The following PDE10A variants were observed in gnomAD, a reference collection of about 807,000 sequenced individuals.
PDE10A encodes cAMP and cAMP-inhibited cGMP 3',5'-cyclic phosphodiesterase 10A.
PDE10A carries 39 observed loss-of-function variants against 97.7 expected under a neutral mutation model. The observed-to-expected ratio is 0.40, with a 90% confidence interval of 0.31 to 0.52. The LOEUF (loss-of-function observed/expected upper bound fraction) is 0.52, where lower values mean the gene tolerates loss of function less well. PDE10A is among the 20% of genes least tolerant of loss of function. PDE10A has a pLI of 0.56. For missense variants in PDE10A, 731 were observed against 1,047.8 expected (o/e 0.70, Z 4.17); for synonymous variants, 371 against 376.8 (o/e 0.98, Z 0.18).
At chr6:165,763,104 C>T (rs137863175) in intron 1 of PDE10A, among the ~76,000 whole-genome samples, 52 of 152,306 alleles carry the variant, frequency 3.4e-4, no homozygotes, top group East Asian at 1.7e-3. Context: ...GCAGCTGGAG[C>T]GTTTCCACCA....
chr6:165,543,513 A>G lies in PDE10A; in HGVS notation c.921T>C (p.Asp307=), dbSNP rs1394203862. 1 of 1,611,652 alleles carries G rather than the reference A, an allele frequency of 6.2e-7. No individual in the cohort carries two copies. The highest frequency in any genetic ancestry group is 8.5e-7 in the Non-Finnish European group (1 of 1,178,208). Residue 307 remains aspartate, a synonymous_variant, in exon 2 of 22, where the codon GAT becomes GAC. Transcript: ENST00000539869. ...CACTAACACTTTCAGATACAAATTC[A>G]TCTAATACCTGGGGGTGAAGAGAAA... The part of the protein sequence containing the change: ...AYLSLHPQVL[D]EFVSESVSAE...
intron 1 of PDE10A, among the ~76,000 whole-genome samples, chr6:165,906,266 G>A (rs1782284023): frequency 6.6e-6 from 1 of 151,170 alleles, no homozygotes; most frequent in Non-Finnish European, 1.5e-5. Flanking sequence ...CAGTGGAAAG[G>A]AGGAAGCTCT....
intron 1 of PDE10A, among the ~76,000 whole-genome samples, chr6:165,613,616 G>A (rs1355797725): frequency 6.6e-6 from 1 of 152,092 alleles, no homozygotes; most frequent in African/African-American, 2.4e-5. Context: ...ACTCCACCCC[G>A]GGTGACAGAG....
intron 1 of PDE10A, among the ~76,000 whole-genome samples, chr6:165,767,700 G>T (rs956751177): frequency 2.6e-5 from 4 of 152,148 alleles, no homozygotes; most frequent in African/African-American, 9.7e-5. Context: ...TAGACATTTG[G>T]ATTTTTTTCC....
intron 2 of PDE10A, among the ~76,000 whole-genome samples, chr6:165,525,167 A>C (rs1782358616): frequency 6.6e-6 from 1 of 152,132 alleles, no homozygotes; most frequent in African/African-American, 2.4e-5. Flanking sequence ...GTGACCCATG[A>C]GGAGGTGCAC....
At chr6:165,517,444 C>A (rs1207418566) in intron 2 of PDE10A, among the ~76,000 whole-genome samples, 1 of 152,096 alleles carries the variant, frequency 6.6e-6, no homozygotes, top group East Asian at 1.9e-4. Context: ...AGAAATCTCT[C>A]ATTCTAAAGT....
chr6:165,828,957 G>A (rs1479513850), intron 1 of PDE10A, among the ~76,000 whole-genome samples: 1 of 152,238 alleles, frequency 6.6e-6, no homozygotes, highest in Non-Finnish European at 1.5e-5. Flanking sequence ...AATCAGTAAA[G>A]TATTGTAAAA....
chr6:165,482,609 C>A (rs980744469), intron 2 of PDE10A, among the ~76,000 whole-genome samples: 3 of 152,136 alleles, frequency 2.0e-5, no homozygotes, highest in African/African-American at 7.2e-5. Flanking sequence ...GATATGCCTG[C>A]AAGAATAGCT....
At chr6:165,699,482 G>A (rs146157614) in intron 1 of PDE10A, among the ~76,000 whole-genome samples, 14 of 152,226 alleles carry the variant, frequency 9.2e-5, no homozygotes, top group East Asian at 7.7e-4. Flanking sequence ...GGATAACACC[G>A]TAAACAAACT....
intron 1 of PDE10A, among the ~76,000 whole-genome samples, chr6:165,615,220 A>AAAAAAAAAG (rs547731839): frequency 3.4e-5 from 5 of 148,436 alleles, no homozygotes; most frequent in Non-Finnish European, 7.4e-5. Flanking sequence ...AGAAAAAAAA[A>AAAAAAAAAG]AAAGAAAGAA....
At chr6:165,914,775 G>T (rs1039585755) in intron 1 of PDE10A, among the ~76,000 whole-genome samples, 1 of 152,140 alleles carries the variant, frequency 6.6e-6, no homozygotes, top group African/African-American at 2.4e-5. Context: ...TGTCACACAC[G>T]GGCAAAGATG....
chr6:165,655,372 C>T lies in PDE10A; in HGVS notation c.865+6575G>A, dbSNP rs1231539175. 6.6e-6 allele frequency among the ~76,000 whole-genome samples: 1 copy of T among 152,148 alleles called. No homozygotes were observed. The highest frequency in any genetic ancestry group is 1.5e-5 in the Non-Finnish European group (1 of 68,030). On this transcript the variant is annotated intron_variant, in intron 1 of 21. Coordinates refer to ENST00000539869, the MANE Select transcript of PDE10A (RefSeq NM_001385079.1). The surrounding 1 kb of genome is among the most constrained non-coding windows in gnomAD (Gnocchi z 4.5). ...CAAACGCCACGCCTGATTCCTTGCGCACCCCACGTGCTCCTCCTCCAGGCT... is the reference window on the plus strand; with the variant it reads ...CAAACGCCACGCCTGATTCCTTGCGTACCCCACGTGCTCCTCCTCCAGGCT...
At chr6:165,556,261 G>A (rs1306950247) in intron 1 of PDE10A, among the ~76,000 whole-genome samples, 7 of 152,114 alleles carry the variant, frequency 4.6e-5, no homozygotes, top group Admixed American at 2.0e-4. Context: ...GAGTGCTGGC[G>A]GTTAAGACCA....
chr6:165,962,969 T>C (rs1784402965), intron 1 of PDE10A, among the ~76,000 whole-genome samples: 1 of 152,206 alleles, frequency 6.6e-6, no homozygotes, highest in Non-Finnish European at 1.5e-5. Flanking sequence ...CATACGTGAG[T>C]GCACACACCC....
intron 1 of PDE10A, among the ~76,000 whole-genome samples, chr6:165,875,744 T>G (rs1360344402): frequency 1.6e-4 from 23 of 145,116 alleles, no homozygotes; most frequent in African/African-American, 5.4e-4. Flanking sequence ...TTTTTTTTTT[T>G]TTTGTGTGTG....
At chr6:165,545,618 G>T (rs1469503235) in intron 1 of PDE10A, among the ~76,000 whole-genome samples, 1 of 151,874 alleles carries the variant, frequency 6.6e-6, no homozygotes, top group East Asian at 1.9e-4. Flanking sequence ...TGGGCCAAAG[G>T]CCACTTCAGT....
chr6:165,743,429 A>C (rs58443157), intron 1 of PDE10A, among the ~76,000 whole-genome samples: 11,739 of 152,238 alleles, frequency 0.077, 514 homozygotes, highest in African/African-American at 0.12. Context: ...TTTAATGTCG[A>C]AAAACTTTGT....
chr6:165,687,053 G>A (rs904031800), intron 1 of PDE10A, among the ~76,000 whole-genome samples: 1 of 152,252 alleles, frequency 6.6e-6, no homozygotes, highest in African/African-American at 2.4e-5. Flanking sequence ...GAGAGACCTG[G>A]TAAAGTGTGG....
At chr6:165,778,227 C>T (rs947072033) in intron 1 of PDE10A, among the ~76,000 whole-genome samples, 4 of 152,032 alleles carry the variant, frequency 2.6e-5, no homozygotes, top group African/African-American at 9.7e-5. Flanking sequence ...CCCACCATCA[C>T]GCCCGGCTAA....
Sources: gnomAD v4.1 joint callset for allele counts (sites outside exome capture counted in the v4.1 genomes callset) on GRCh38, gnomAD v4.1.1 for gene constraint, Gnocchi (gnomAD v3.1) non-coding constraint, MANE v1.5 for transcripts, NCBI Gene and HGNC (gene_info 2026-07-23, HGNC 2026-07-21) for gene names.